DNAJC1: variants seen among roughly 807,000 people sequenced by gnomAD.
The protein encoded by DNAJC1 is DnaJ heat shock protein family (Hsp40) member C1, also known as dnaJ homolog subfamily C member 1.
DNAJC1 carries 58 observed loss-of-function variants against 76.6 expected under a neutral mutation model. The ratio of observed to expected loss-of-function variants is 0.76; its 90% CI spans 0.61 to 0.94. The LOEUF (loss-of-function observed/expected upper bound fraction) is 0.94, where lower values mean the gene tolerates loss of function less well. Ranked by LOEUF, DNAJC1 falls within the 40% of genes least tolerant of loss-of-function variation. The pLI, the probability that DNAJC1 is intolerant of heterozygous loss-of-function variation, is 0.00. For synonymous variants in DNAJC1, 258 were observed against 267.9 expected (o/e 0.96, Z 0.36); for missense variants, 689 against 677.3 (o/e 1.02, Z -0.19).
intron 1 of DNAJC1, among the ~76,000 whole-genome samples, chr10:21,984,665 T>C (rs1335028164): frequency 6.6e-6 from 1 of 152,244 alleles, no homozygotes; most frequent in African/African-American, 2.4e-5. Context: ...TTTAAAATCA[T>C]TTTTTCTTCT....
chr10:21,890,600 G>C (rs1021672268), intron 7 of DNAJC1, among the ~76,000 whole-genome samples: 2 of 152,000 alleles, frequency 1.3e-5, no homozygotes, highest in Non-Finnish European at 2.9e-5. Context: ...GAGGCAAGCA[G>C]GAATATCTAT....
chr10:21,857,878 A>AAAC (rs1835863443), intron 8 of DNAJC1, among the ~76,000 whole-genome samples: 3 of 151,834 alleles, frequency 2.0e-5, no homozygotes, highest in Middle Eastern at 3.2e-3. Flanking sequence ...AACAAACAAA[A>AAAC]AAAAAAACCG....
chr10:21,773,424 G>C (rs954663254), intron 9 of DNAJC1, among the ~76,000 whole-genome samples: 1 of 151,898 alleles, frequency 6.6e-6, no homozygotes, highest in African/African-American at 2.4e-5. Flanking sequence ...CCAAACATCT[G>C]TTGATTTGCC....
chr10:21,948,611 G>A (rs760321236), intron 1 of DNAJC1, among the ~76,000 whole-genome samples: 14 of 152,058 alleles, frequency 9.2e-5, no homozygotes, highest in African/African-American at 3.4e-4. Context: ...TCATATTCAC[G>A]TAACTTTTAT....
At position 21,988,569 on chromosome 10, in the gene DNAJC1, A is replaced by G. The variant is rs555295381; in HGVS notation, c.222+14644T>C. ...AAACTGCTTAAAGCTTCAATTAAGG[A>G]TCACGCTTAATTCTATGAAGCTAAT... On this transcript the variant is annotated intron_variant, in intron 1 of 11. Transcript: ENST00000376980. Among the ~76,000 whole-genome samples, 7 of 152,294 alleles carry G rather than the reference A, an allele frequency of 4.6e-5. No individual in the cohort carries two copies. In the East Asian group the frequency reaches 1.3e-3, roughly 29 times the overall value.
At chr10:21,804,705 CT>C (rs1311198492) in intron 9 of DNAJC1, among the ~76,000 whole-genome samples, 3 of 151,706 alleles carry the variant, frequency 2.0e-5, no homozygotes, top group South Asian at 2.1e-4. Flanking sequence ...CTATTTTCCC[CT>C]ATGATCAAAC....
chr10:21,915,547 CT>C (rs1276326175), intron 6 of DNAJC1, among the ~76,000 whole-genome samples: 6 of 152,126 alleles, frequency 3.9e-5, no homozygotes, highest in African/African-American at 1.4e-4. Flanking sequence ...TTTTAATTAA[CT>C]TTTCATAAAA....
chr10:21,851,772 C>T (rs957558937), intron 8 of DNAJC1, among the ~76,000 whole-genome samples: 2 of 151,964 alleles, frequency 1.3e-5, no homozygotes, highest in African/African-American at 4.8e-5. Flanking sequence ...TTGTAAGATA[C>T]GGCCGGGCGC....
At chr10:21,997,546 A>G (rs1590086101) in intron 1 of DNAJC1, among the ~76,000 whole-genome samples, 1 of 152,060 alleles carries the variant, frequency 6.6e-6, no homozygotes, top group Non-Finnish European at 1.5e-5. Flanking sequence ...AAAGGCAATC[A>G]CCCTCCAGTA....
intron 8 of DNAJC1, among the ~76,000 whole-genome samples, chr10:21,817,768 C>G (rs1374607817): frequency 6.6e-6 from 1 of 152,154 alleles, no homozygotes; most frequent in Non-Finnish European, 1.5e-5. Context: ...CAAATTAATA[C>G]TTTTATAATT....
chr10:21,836,530 G>T (rs188890961), intron 8 of DNAJC1, among the ~76,000 whole-genome samples: 176 of 152,248 alleles, frequency 1.2e-3, no homozygotes, highest in African/African-American at 4.1e-3. Flanking sequence ...GACACAGACT[G>T]GCAAATTGGA....
chr10:21,904,536 A>G lies in DNAJC1; in HGVS notation c.806T>C (p.Leu269Pro), dbSNP rs775426214. The change falls in exon 7 of 12, where the codon CTT becomes CCT. Residue 269 changes from leucine (L) to proline (P), a missense_variant. By Grantham distance (98) the Leu-to-Pro change is moderately conservative. Coordinates refer to ENST00000376980, the MANE Select transcript of DNAJC1 (RefSeq NM_022365.4). ...EKEDALTRTE[L>P]ETLQKQKKVK... ...TTAAAACTCACTTTGAAGTGTTTCA[A>G]GTTCAGTTCTAGTCAGTGCATCTTC... 1.5e-5 allele frequency: 23 copies of G among 1,580,228 alleles called. No homozygotes were observed. The highest frequency in any genetic ancestry group is 2.0e-5 in the Non-Finnish European group (23 of 1,164,882).
At chr10:21,936,853 T>C (rs576033418) in intron 1 of DNAJC1, among the ~76,000 whole-genome samples, 1 of 152,040 alleles carries the variant, frequency 6.6e-6, no homozygotes, top group East Asian at 1.9e-4. Context: ...AAGGTAGTAA[T>C]GGAAGAACTG....
In DNAJC1 at chr10:21,947,316, G is replaced by T. The variant is rs542345293; in HGVS notation, c.223-18175C>A. On this transcript the variant is annotated intron_variant, in intron 1 of 11. Transcript: ENST00000376980. Reference sequence around the variant, plus strand: ...ATCTGCAAGGGTCCACTTATATTCAGATTTTTTTCAATAAAAGTTACACAA... The same window carrying T: ...ATCTGCAAGGGTCCACTTATATTCATATTTTTTTCAATAAAAGTTACACAA... 7.4e-4 allele frequency among the ~76,000 whole-genome samples: 112 copies of T among 152,184 alleles called. 1 individual carries two copies. Among genetic ancestry groups the T allele is most frequent in the African/African-American group, 2.7e-3 (111 of 41,524 alleles).
intron 1 of DNAJC1, among the ~76,000 whole-genome samples, chr10:21,962,628 C>G (rs990923241): frequency 4.7e-5 from 7 of 149,706 alleles, no homozygotes; most frequent in Non-Finnish European, 7.4e-5. Context: ...CCACCACGCT[C>G]AGCTAATTTT....
chr10:21,832,103 T>C (rs970740689), intron 8 of DNAJC1, among the ~76,000 whole-genome samples: 3 of 152,146 alleles, frequency 2.0e-5, no homozygotes, highest in South Asian at 2.1e-4. Flanking sequence ...AAGAATAACA[T>C]AGCATATATA....
At chr10:22,000,786 T>C (rs1041027806) in intron 1 of DNAJC1, among the ~76,000 whole-genome samples, 2 of 152,174 alleles carry the variant, frequency 1.3e-5, no homozygotes, top group Non-Finnish European at 2.9e-5. Context: ...TACCACCATG[T>C]GAGGACACAG....
At chr10:21,984,643 C>T (rs779544955) in intron 1 of DNAJC1, among the ~76,000 whole-genome samples, 34 of 152,174 alleles carry the variant, frequency 2.2e-4, no homozygotes, top group Non-Finnish European at 4.3e-4. Context: ...GGTGATTAGT[C>T]TGCCATATAT....
intron 8 of DNAJC1, among the ~76,000 whole-genome samples, chr10:21,876,204 G>A (rs1836185991): frequency 6.6e-6 from 1 of 151,268 alleles, no homozygotes; most frequent in Non-Finnish European, 1.5e-5. Context: ...TCCGATTCCT[G>A]GGTTCAAGAG....
Sources: gnomAD v4.1 joint callset for allele counts (sites outside exome capture counted in the v4.1 genomes callset) on GRCh38, gnomAD v4.1.1 for gene constraint, MANE v1.5 for transcripts, NCBI Gene and HGNC (gene_info 2026-07-23, HGNC 2026-07-21) for gene names.